The following SNX29 variants were observed in gnomAD, a reference collection of about 807,000 sequenced individuals.
SNX29 encodes the protein sorting nexin 29, also known as sorting nexin-29.
A neutral mutation model predicts 102.1 loss-of-function variants in SNX29; 78 were observed. That is an observed-to-expected ratio of 0.76 (90% confidence interval 0.64 to 0.92). The LOEUF (loss-of-function observed/expected upper bound fraction) is 0.92, where lower values mean the gene tolerates loss of function less well. Among genes scored for constraint, SNX29 ranks in the 40% least tolerant of loss-of-function variants. SNX29 has a pLI of 0.00. For synonymous variants in SNX29, 580 were observed against 414.5 expected, an observed-to-expected ratio of 1.40 and a Z score of -4.85; for missense variants, 1,280 against 1,061.7, an observed-to-expected ratio of 1.21 and a Z score of -2.86.
chr16:12,551,240 G>A (rs960101548), intron 20 of SNX29, among the ~76,000 whole-genome samples: 3 of 152,102 alleles, frequency 2.0e-5, no homozygotes, highest in African/African-American at 7.2e-5. Flanking sequence ...TCTGAGGACA[G>A]TCTAAAAATC....
Position 12,313,206 on chromosome 16 carries a change from G to A in SNX29, c.1782+35170G>A, listed in dbSNP as rs1226117107. Among the ~76,000 whole-genome samples, 3 of 152,018 alleles carry A rather than the reference G, an allele frequency of 2.0e-5. No individual in the cohort carries two copies. In the East Asian group the frequency reaches 5.8e-4, roughly 29 times the overall value. On this transcript the variant is annotated intron_variant, in intron 15 of 20. Transcript: ENST00000566228. ...TTTTTGTATTTTTAGTAGAGACGGG[G>A]TTTCACCATGTTGGCCAGGCTGGTC...
chr16:12,276,720 C>A (rs2151009372), intron 14 of SNX29, among the ~76,000 whole-genome samples: 1 of 152,238 alleles, frequency 6.6e-6, no homozygotes. Context: ...GGGAGGTCTT[C>A]CCTGTTCTTG....
intron 19 of SNX29, among the ~76,000 whole-genome samples, chr16:12,515,926 T>C (rs2089844010): frequency 6.6e-6 from 1 of 152,060 alleles, no homozygotes; most frequent in African/African-American, 2.4e-5. Flanking sequence ...CACAGTCCAC[T>C]GCAGATCAGG....
chr16:12,438,179 C>G (rs12598106), intron 18 of SNX29, among the ~76,000 whole-genome samples: 18,798 of 152,122 alleles, frequency 0.12, 1,307 homozygotes, highest in East Asian at 0.17. Flanking sequence ...TATCTTTATT[C>G]TGACCTACTT....
chr16:12,152,388 C>T (rs1408939329), intron 13 of SNX29, among the ~76,000 whole-genome samples: 1 of 152,194 alleles, frequency 6.6e-6, no homozygotes, highest in Middle Eastern at 3.2e-3. Context: ...GGGACACCTG[C>T]AGATGGTCAT....
chr16:12,103,934 C>T (rs1010652608), intron 11 of SNX29, among the ~76,000 whole-genome samples: 2 of 152,330 alleles, frequency 1.3e-5, no homozygotes, highest in South Asian at 4.1e-4. Context: ...ATTTATTCTT[C>T]ATTCCTAGAG....
intron 20 of SNX29, among the ~76,000 whole-genome samples, chr16:12,535,455 C>G (rs775680812): frequency 2.0e-5 from 3 of 152,168 alleles, no homozygotes; most frequent in East Asian, 1.9e-4. Flanking sequence ...TTAACACATC[C>G]TTTCTTTGAG....
At chr16:11,979,078 C>G (rs1337930026) in intron 1 of SNX29, among the ~76,000 whole-genome samples, 1 of 151,632 alleles carries the variant, frequency 6.6e-6, no homozygotes, top group African/African-American at 2.4e-5. Flanking sequence ...AGTTTGAGAC[C>G]AGCCTGGCCA....
intron 15 of SNX29, among the ~76,000 whole-genome samples, chr16:12,298,681 A>G (rs923794862): frequency 1.2e-4 from 18 of 152,192 alleles, no homozygotes; most frequent in Admixed American, 5.9e-4. Context: ...CCTCTCTAGA[A>G]TAGGCCAGGC....
intron 14 of SNX29, among the ~76,000 whole-genome samples, chr16:12,204,832 G>A (rs1297307729): frequency 6.6e-6 from 1 of 152,270 alleles, no homozygotes; most frequent in African/African-American, 2.4e-5. Context: ...TGGGGTGTCA[G>A]TTTCCCTGGG....
chr16:11,989,269 G>A lies in SNX29; in HGVS notation c.8-10028G>A, dbSNP rs7188728. The stretch of plus-strand genomic sequence containing the variant: ...ATTACAGACGTGAGCCATGATGCCC[G>A]GCCTGCTCTAGAGTAAATTGATGGT... On this transcript the variant is annotated intron_variant, in intron 1 of 20. Coordinates refer to ENST00000566228, the MANE Select transcript of SNX29 (RefSeq NM_032167.5). Among the ~76,000 whole-genome samples, 736 of 152,102 alleles carry A rather than the reference G, an allele frequency of 4.8e-3. 5 individuals carry two copies. Among genetic ancestry groups the A allele is most frequent in the African/African-American group, 0.016 (666 of 41,492 alleles).
At chr16:12,215,732 C>A (rs2077307148) in intron 14 of SNX29, among the ~76,000 whole-genome samples, 1 of 152,158 alleles carries the variant, frequency 6.6e-6, no homozygotes. Flanking sequence ...TTCCCCTTAC[C>A]CTTTGTTTCT....
intron 20 of SNX29, among the ~76,000 whole-genome samples, chr16:12,552,778 C>G: frequency 6.6e-6 from 1 of 152,228 alleles, no homozygotes; most frequent in Non-Finnish European, 1.5e-5. Context: ...TTCATCTCAG[C>G]TCTGGGCTTT....
chr16:12,001,240 T>C lies in SNX29; in HGVS notation c.70-1751T>C, dbSNP rs577928936. Among the ~76,000 whole-genome samples the C allele has an allele frequency of 1.5e-4, 23 of 152,154 alleles. No individual in the cohort carries two copies. The East Asian group carries it at 4.3e-3, about 28-fold the overall frequency. On this transcript the variant is annotated intron_variant, in intron 2 of 20. Transcript: ENST00000566228. The stretch of plus-strand genomic sequence containing the variant: ...GATTCTGCTGCCTCAGCCTCATGAG[T>C]AGCTGGGACTACAGGTCCGTGCCAT...
At chr16:12,478,956 A>G (rs977205698) in intron 19 of SNX29, among the ~76,000 whole-genome samples, 3 of 152,176 alleles carry the variant, frequency 2.0e-5, no homozygotes, top group African/African-American at 7.2e-5. Context: ...CTTGGCAGGG[A>G]CAGTCTGATT....
intron 13 of SNX29, among the ~76,000 whole-genome samples, chr16:12,197,699 G>A (rs2076812018): frequency 6.6e-6 from 1 of 152,356 alleles, no homozygotes; most frequent in South Asian, 2.1e-4. Context: ...GATGGAGAAA[G>A]TGCAGACACC....
intron 20 of SNX29, among the ~76,000 whole-genome samples, chr16:12,563,078 C>G (rs1174222202): frequency 6.6e-6 from 1 of 151,018 alleles, no homozygotes; most frequent in Non-Finnish European, 1.5e-5. Context: ...AAGAGAAATC[C>G]AGAATGTTAC....
At chr16:12,562,525 G>A (rs1197622518) in intron 20 of SNX29, among the ~76,000 whole-genome samples, 5 of 152,168 alleles carry the variant, frequency 3.3e-5, no homozygotes, top group African/African-American at 1.2e-4. Context: ...ACCTGCTGGT[G>A]AATGACACAG....
intron 20 of SNX29, among the ~76,000 whole-genome samples, chr16:12,560,049 A>T (rs1192425138): frequency 1.3e-5 from 2 of 152,022 alleles, no homozygotes; most frequent in Non-Finnish European, 2.9e-5. Flanking sequence ...ACAAAGAAAA[A>T]TGACTAGAAA....
Sources: allele counts gnomAD v4.1 joint callset (sites outside exome capture counted in the v4.1 genomes callset), GRCh38; gene constraint gnomAD v4.1.1; transcripts MANE v1.5; gene names NCBI Gene and HGNC (gene_info 2026-07-23, HGNC 2026-07-21).